FYB2: variants seen among roughly 807,000 people sequenced by gnomAD.
FYB2 encodes FYN-binding protein 2.
Under a neutral mutation model 94.1 loss-of-function variants are expected in FYB2, and 103 were observed. That is an observed-to-expected ratio of 1.09 (90% CI 0.93 to 1.29). The LOEUF is 1.29. Ranked by LOEUF, FYB2 falls within the 50% of genes most tolerant of loss-of-function variation. FYB2 has a pLI of 0.00. For missense variants in FYB2, 896 were observed against 841.5 expected, an observed-to-expected ratio of 1.06 and a Z score of -0.80; for synonymous variants, 293 against 287.9, an observed-to-expected ratio of 1.02 and a Z score of -0.18.
the FYB2 span, among the ~76,000 whole-genome samples, chr1:56,825,533 A>G: frequency 1.3e-5 from 2 of 152,214 alleles, no homozygotes; most frequent in Admixed American, 1.3e-4. Flanking sequence ...AGCGGGGAAC[A>G]AAATTCACAC....
chr1:56,812,782 C>T (rs1646795864), intron 1 of FYB2, among the ~76,000 whole-genome samples: 1 of 152,172 alleles, frequency 6.6e-6, no homozygotes, highest in Non-Finnish European at 1.5e-5. Flanking sequence ...GTCAAAATAA[C>T]AACATGATAT....
intron 5 of FYB2, among the ~76,000 whole-genome samples, chr1:56,763,972 T>C (rs1645563328): frequency 6.6e-6 from 1 of 151,452 alleles, no homozygotes; most frequent in African/African-American, 2.4e-5. Context: ...TTTTTTTAGA[T>C]GGAGTTTTGC....
chr1:56,768,568 C>T (rs57523598), intron 4 of FYB2, among the ~76,000 whole-genome samples: 14,144 of 152,120 alleles, frequency 0.093, 1,434 homozygotes, highest in African/African-American at 0.25. Context: ...AAACAATCTG[C>T]TCATTTCAGA....
intron 1 of FYB2, among the ~76,000 whole-genome samples, chr1:56,804,890 C>T (rs1223901860): frequency 2.6e-5 from 4 of 152,184 alleles, no homozygotes; most frequent in Non-Finnish European, 5.9e-5. Flanking sequence ...TTCCTGTCTA[C>T]AGCTCCAGCT....
At chr1:56,749,205 C>A (rs560546984) in intron 9 of FYB2, among the ~76,000 whole-genome samples, 2 of 151,736 alleles carry the variant, frequency 1.3e-5, no homozygotes, top group East Asian at 3.9e-4. Flanking sequence ...GGGTTCCTGG[C>A]TTTGCAAATT....
intron 4 of FYB2, among the ~76,000 whole-genome samples, chr1:56,769,365 C>T (rs755581622): frequency 4.6e-5 from 7 of 151,670 alleles, no homozygotes; most frequent in South Asian, 2.1e-4. Context: ...GATATGAGGA[C>T]GTTACCCAGA....
chr1:56,786,394 T>C (rs1048904271), intron 4 of FYB2, among the ~76,000 whole-genome samples: 3 of 152,352 alleles, frequency 2.0e-5, no homozygotes, highest in Middle Eastern at 3.4e-3. Context: ...CTCTGAATCT[T>C]GTCCTTTCCT....
chr1:56,775,191 C>A (rs1380797070), intron 4 of FYB2, among the ~76,000 whole-genome samples: 1 of 152,044 alleles, frequency 6.6e-6, no homozygotes, highest in African/African-American at 2.4e-5. Flanking sequence ...CCTGACTAAT[C>A]CACTTACCAA....
At chr1:56,776,248 G>A (rs79369101) in intron 4 of FYB2, among the ~76,000 whole-genome samples, 2,567 of 152,262 alleles carry the variant, frequency 0.017, 68 homozygotes, top group African/African-American at 0.059. Flanking sequence ...TGACCCAAGA[G>A]TTCACAGATC....
intron 8 of FYB2, among the ~76,000 whole-genome samples, chr1:56,753,250 GCAGATGGGGT>G (rs1373198844): frequency 6.6e-6 from 1 of 152,086 alleles, no homozygotes; most frequent in African/African-American, 2.4e-5. Context: ...CTGCTTTGAA[GCAGATGGGGT>G]CAGTTGGATA....
rs541286324 is a variant in FYB2 at position 56,750,337 on chromosome 1, G to A, written c.1387+707C>T. ...TTTCCAAAATCACGGGGTTAGTATA[G>A]AAATGCTTTATTCCAGATCCTATGA... On this transcript the variant is annotated intron_variant, in intron 9 of 19. Transcript: ENST00000343433. Among the ~76,000 whole-genome samples, 4 of 152,120 alleles carry A rather than the reference G, an allele frequency of 2.6e-5. No individual in the cohort carries two copies. In the East Asian group the frequency reaches 7.8e-4, roughly 30 times the overall value.
At chr1:56,789,471 TATTTG>T (rs1465548005) in intron 2 of FYB2, among the ~76,000 whole-genome samples, 3 of 152,214 alleles carry the variant, frequency 2.0e-5, no homozygotes, top group African/African-American at 7.2e-5. Flanking sequence ...CCATTCTCCG[TATTTG>T]ATTTAGATAG....
Position 56,744,193 on chromosome 1 carries a change from C to T in FYB2, c.1461G>A (p.Ser487=), listed in dbSNP as rs762167190. The T allele has an allele frequency of 2.0e-5, 33 of 1,612,540 alleles. No individual in the cohort carries two copies. The highest frequency in any genetic ancestry group is 4.0e-5 in the African/African-American group (3 of 74,750). ...ACTCGACATCATCATATATCTCCTCCGAGATGGAACTTGTCTTAGAGACCC... is the reference window on the plus strand; with the variant it reads ...ACTCGACATCATCATATATCTCCTCTGAGATGGAACTTGTCTTAGAGACCC... ...DLGVSKTSSI[S]EEIYDDVEYS... Residue 487 remains serine (S), a synonymous_variant, in exon 10 of 20, where the codon TCG becomes TCA. Coordinates refer to ENST00000343433, the MANE Select transcript of FYB2 (RefSeq NM_001004303.5).
intron 1 of FYB2, among the ~76,000 whole-genome samples, chr1:56,816,389 C>T (rs1379401680): frequency 2.0e-5 from 3 of 152,166 alleles, no homozygotes; most frequent in Admixed American, 2.0e-4. Flanking sequence ...GTAGAGATTA[C>T]TCACATGGGA....
At chr1:56,826,316 C>T in the FYB2 span, among the ~76,000 whole-genome samples, 5 of 152,224 alleles carry the variant, frequency 3.3e-5, no homozygotes, top group Non-Finnish European at 7.3e-5. Context: ...TGACACTCCA[C>T]CATGGAAAAC....
intron 1 of FYB2, among the ~76,000 whole-genome samples, chr1:56,796,934 A>G (rs183509621): frequency 1.3e-5 from 2 of 152,332 alleles, no homozygotes; most frequent in East Asian, 1.9e-4. Flanking sequence ...TACAAAGATG[A>G]ATGAGGCAAC....
At chr1:56,813,681 T>A (rs1320539052) in intron 1 of FYB2, among the ~76,000 whole-genome samples, 1 of 152,136 alleles carries the variant, frequency 6.6e-6, no homozygotes, top group Non-Finnish European at 1.5e-5. Flanking sequence ...ATTTGACCCA[T>A]AAGAGTCCAC....
intron 9 of FYB2, among the ~76,000 whole-genome samples, chr1:56,748,747 G>A (rs1234145963): frequency 6.6e-6 from 1 of 151,682 alleles, no homozygotes; most frequent in African/African-American, 2.4e-5. Flanking sequence ...ATAATATTTT[G>A]CTCCTTCCTC....
At chr1:56,822,670 C>T (rs538296828), upstream of FYB2, among the ~76,000 whole-genome samples, 1 of 151,548 alleles carries the variant, frequency 6.6e-6, no homozygotes, top group Admixed American at 6.6e-5. Context: ...TATTATGTCT[C>T]AGTCTTTCCT....
Sources: gnomAD v4.1 joint callset for allele counts (sites outside exome capture counted in the v4.1 genomes callset) on GRCh38, gnomAD v4.1.1 for gene constraint, MANE v1.5 for transcripts, NCBI Gene and HGNC (gene_info 2026-07-23, HGNC 2026-07-21) for gene names.